Variants in AOX1 observed in about 807,000 individuals in gnomAD.
AOX1 encodes aldehyde oxidase.
In AOX1, 153 loss-of-function variants were observed where a neutral mutation model predicts 169.5. The ratio of observed to expected loss-of-function variants is 0.90; its 90% CI spans 0.79 to 1.03. AOX1 has a LOEUF of 1.03. AOX1 is among the 50% of genes least tolerant of loss of function. The pLI, the probability that AOX1 is intolerant of heterozygous loss-of-function variation, is 0.00. For synonymous variants in AOX1, 562 were observed against 581.9 expected, an observed-to-expected ratio of 0.97 and a Z score of 0.49; for missense variants, 1,656 against 1,663.9, an observed-to-expected ratio of 1.00 and a Z score of 0.08.
intron 9 of AOX1, among the ~76,000 whole-genome samples, chr2:200,605,041 C>T (rs557931573): frequency 6.6e-6 from 1 of 152,322 alleles, no homozygotes; most frequent in Non-Finnish European, 1.5e-5. Flanking sequence ...CCTCTTGCCT[C>T]TTATTGGAGC....
chr2:200,605,223 C>T (rs1483739565), intron 9 of AOX1, among the ~76,000 whole-genome samples: 1 of 152,118 alleles, frequency 6.6e-6, no homozygotes, highest in African/African-American at 2.4e-5. Context: ...ACTTAAACAA[C>T]CGCTACAGGG....
rs1559237200 is a variant in AOX1 at position 200,611,412 on chromosome 2, G to A, written c.1182G>A (p.Glu394=). The change falls in exon 13 of 35, where the codon GAG becomes GAA. Residue 394 remains glutamate (E), a synonymous_variant. Transcript: ENST00000374700. ...KEGKRQIPLN[E]QFLSKCPNAD... is the part of the protein sequence containing the mutation. ...GAAAACGACAGATTCCTTTAAATGA[G>A]CAATTCCTCAGCAAGTGCCCTAATG... 3 of 1,613,726 alleles carry A rather than the reference G, an allele frequency of 1.9e-6. No individual in the cohort carries two copies. The highest frequency in any genetic ancestry group is 2.5e-6 in the Non-Finnish European group (3 of 1,179,702).
intron 18 of AOX1, among the ~76,000 whole-genome samples, chr2:200,622,863 A>G (rs2034915011): frequency 6.6e-6 from 1 of 152,220 alleles, no homozygotes; most frequent in South Asian, 2.1e-4. Flanking sequence ...AATTGTAAGC[A>G]TACACAAAAA....
At chr2:200,677,044 A>G in exon 5 of AOX1, 3 of 397,254 alleles carry the variant, frequency 7.6e-6, no homozygotes, top group Non-Finnish European at 1.5e-5. Flanking sequence ...CATTATTAAT[A>G]AATTCATATA....
chr2:200,661,690 T>G, intron 30 of AOX1, 59 bp downstream of exon 30: 1 of 1,392,096 alleles, frequency 7.2e-7, no homozygotes, highest in East Asian at 2.3e-5. Context: ...TGAGGAAGAG[T>G]TTCAGTTCCC....
chr2:200,640,065 G>A (rs1244098750), intron 23 of AOX1, among the ~76,000 whole-genome samples: 2 of 151,664 alleles, frequency 1.3e-5, no homozygotes, highest in Non-Finnish European at 2.9e-5. Context: ...GAATGGATAG[G>A]CAGAAGGAAG....
At chr2:200,609,815 T>A (rs1012003412) in intron 12 of AOX1, among the ~76,000 whole-genome samples, 2 of 152,222 alleles carry the variant, frequency 1.3e-5, no homozygotes, top group African/African-American at 4.8e-5. Context: ...TAATTTATCA[T>A]TGATGGAAAC....
At chr2:200,589,794 T>C (rs1203920020) in intron 1 of AOX1, among the ~76,000 whole-genome samples, 1 of 152,182 alleles carries the variant, frequency 6.6e-6, no homozygotes, top group Non-Finnish European at 1.5e-5. Flanking sequence ...TTGGTACTGG[T>C]GTAGGAATCT....
At chr2:200,679,560 T>G (rs1277151378), downstream of AOX1, 2 of 152,198 alleles carry the variant, frequency 1.3e-5, no homozygotes, top group African/African-American at 2.4e-5. Context: ...TTACCCATTC[T>G]TAATTTCCTT....
intron 1 of AOX1, among the ~76,000 whole-genome samples, chr2:200,588,726 CTT>C (rs71807461): frequency 0.26 from 13,691 of 53,316 alleles, 920 homozygotes; most frequent in East Asian, 0.44. Context: ...CTAGAATAAG[CTT>C]TTTTTTTTTT....
intron 9 of AOX1, 50 bp from the exon 10 acceptor site, chr2:200,605,486 A>G (rs1265411144): frequency 1.2e-6 from 1 of 849,138 alleles, no homozygotes; most frequent in Non-Finnish European, 1.8e-6. Context: ...AAAGGCAGTT[A>G]GTTCCTTTAT....
chr2:200,615,375 TC>T (rs1308237375), intron 15 of AOX1, among the ~76,000 whole-genome samples: 1 of 152,114 alleles, frequency 6.6e-6, no homozygotes. Context: ...TGAAAGCCTT[TC>T]CCCCCATCCA....
At chr2:200,660,985 A>G (rs113503782) in intron 29 of AOX1, among the ~76,000 whole-genome samples, 2,566 of 152,222 alleles carry the variant, frequency 0.017, 58 homozygotes, top group African/African-American at 0.058. Flanking sequence ...CATTCAGCCC[A>G]CTTTCTTCGC....
At chr2:200,660,840 A>C (rs1157171038) in intron 29 of AOX1, among the ~76,000 whole-genome samples, 1 of 152,154 alleles carries the variant, frequency 6.6e-6, no homozygotes, top group East Asian at 1.9e-4. Flanking sequence ...GGGTCTGTCT[A>C]TACTTCCTGG....
chr2:200,587,211 C>T (rs2034057115), intron 1 of AOX1, among the ~76,000 whole-genome samples: 1 of 152,058 alleles, frequency 6.6e-6, no homozygotes, highest in African/African-American at 2.4e-5. Flanking sequence ...TTGCTTGAGT[C>T]TAGGAGTTCA....
chr2:200,611,486 C>G lies in AOX1; in HGVS notation c.1256C>G (p.Ser419Ter). 1 of 1,605,562 alleles carries G rather than the reference C, an allele frequency of 6.2e-7. No individual in the cohort carries two copies. The highest frequency in any genetic ancestry group is 8.5e-7 in the Non-Finnish European group (1 of 1,172,284). ...EILVSVNIPYSRKWEFVSAFR... is the reference protein window; with the variant it reads ...EILVSVNIPY ...TTGGTCTCAGTGAACATCCCCTACT[C>G]AAGGAAGGTGAGAACATCCCACTGT... The change falls in exon 13 of 35, where the codon TCA becomes TGA. Residue 419 changes from serine (S) to a stop codon, truncating the protein, a stop_gained. Transcript: ENST00000374700. LOFTEE classifies it high-confidence loss of function.
intron 25 of AOX1, among the ~76,000 whole-genome samples, chr2:200,649,225 T>C (rs1419637019): frequency 2.0e-5 from 3 of 151,352 alleles, no homozygotes; most frequent in African/African-American, 7.3e-5. Flanking sequence ...ATCCCTGTGT[T>C]GTTAGGCAGG....
chr2:200,660,984 CA>C (rs2035808823), intron 29 of AOX1, among the ~76,000 whole-genome samples: 1 of 152,142 alleles, frequency 6.6e-6, no homozygotes, highest in Non-Finnish European at 1.5e-5. Context: ...CCATTCAGCC[CA>C]CTTTCTTCGC....
In AOX1 at chr2:200,586,155, T is replaced by A; in HGVS notation, c.45+2T>A. 1 of 1,558,480 alleles carries A rather than the reference T, an allele frequency of 6.4e-7. No individual in the cohort carries two copies. The highest frequency in any genetic ancestry group is 1.4e-5 in the African/African-American group (1 of 73,566). The stretch of plus-strand genomic sequence containing the variant: ...CTCTTCTACGTGAACGGCCGCAAGG[T>A]GAGCGCCCGCGGGCTTCCTCTGCCC... On this transcript the variant is annotated splice_donor_variant, in intron 1 of 34. Coordinates refer to ENST00000374700, the MANE Select transcript of AOX1 (RefSeq NM_001159.4). LOFTEE classifies it high-confidence loss of function.
Sources: gnomAD v4.1 joint callset for allele counts (sites outside exome capture counted in the v4.1 genomes callset) on GRCh38, gnomAD v4.1.1 for gene constraint, MANE v1.5 for transcripts, NCBI Gene and HGNC (gene_info 2026-07-23, HGNC 2026-07-21) for gene names.